CMTR1: variants seen among roughly 807,000 people sequenced by gnomAD.
CMTR1 encodes cap methyltransferase 1, also known as cap-specific mRNA (nucleoside-2'-O-)-methyltransferase 1.
In CMTR1, 39 loss-of-function variants were observed where a neutral mutation model predicts 107.0. That is an observed-to-expected ratio of 0.36 (90% confidence interval 0.28 to 0.48). The LOEUF (loss-of-function observed/expected upper bound fraction) is 0.48, where lower values mean the gene tolerates loss of function less well. Ranked by LOEUF, CMTR1 falls within the 20% of genes least tolerant of loss-of-function variation. CMTR1 has a pLI of 0.99. For missense variants in CMTR1, 672 were observed against 1,064.9 expected (o/e 0.63, Z 5.14); for synonymous variants, 366 against 379.5 (o/e 0.96, Z 0.41).
At chr6:37,474,213 C>A (rs190930359) in intron 17 of CMTR1, among the ~76,000 whole-genome samples, 1 of 152,304 alleles carries the variant, frequency 6.6e-6, no homozygotes, top group East Asian at 1.9e-4. Context: ...CTTCACTAAA[C>A]CCACCTTAGA....
intron 4 of CMTR1, among the ~76,000 whole-genome samples, chr6:37,448,316 C>T (rs576152503): frequency 3.3e-5 from 5 of 151,872 alleles, no homozygotes; most frequent in South Asian, 2.1e-4. Flanking sequence ...GGGGTTACCA[C>T]GGATAAATGC....
In CMTR1 at chr6:37,480,540, AGCCAT is replaced by A. The variant is rs1337454424; in HGVS notation, c.*399_*403del. On this transcript the variant is annotated 3_prime_UTR_variant, in exon 24 of 24. Coordinates refer to ENST00000373451, the MANE Select transcript of CMTR1 (RefSeq NM_015050.3). ...GAGTTCCATGCACTGCCCTGAGGGT[AGCCAT>A]GCCCTTGCTTTGCCCAACTTTTTAT... The A allele has an allele frequency of 9.5e-7, 1 of 1,055,962 alleles. No individual in the cohort carries two copies. Among genetic ancestry groups the A allele is most frequent in the Non-Finnish European group, 1.1e-6 (1 of 876,084 alleles). 65.4% of individuals were successfully genotyped at this position (1,055,962 alleles called of 1,614,324 possible). A position where few individuals can be genotyped will look rare whatever the true frequency, so the allele number is the denominator to read the frequency against.
At chr6:37,427,856 T>C in the CMTR1 span, among the ~76,000 whole-genome samples, 2 of 152,210 alleles carry the variant, frequency 1.3e-5, no homozygotes, top group East Asian at 3.8e-4. This position sits in a 1 kb window ranked among gnomAD's most constrained non-coding sequence, Gnocchi z 4.4. Context: ...GGATATAGAA[T>C]TCCACGTTGA....
At chr6:37,447,152 G>GA (rs1394360409) in intron 4 of CMTR1, among the ~76,000 whole-genome samples, 1 of 152,176 alleles carries the variant, frequency 6.6e-6, no homozygotes, top group African/African-American at 2.4e-5. Context: ...TGAAACTAGA[G>GA]AAAATGGAAC....
intron 3 of CMTR1, among the ~76,000 whole-genome samples, chr6:37,445,229 G>C (rs1581731441): frequency 6.6e-6 from 1 of 152,228 alleles, no homozygotes; most frequent in Middle Eastern, 3.4e-3. Flanking sequence ...GCTACCATAG[G>C]AATTCCATCC....
rs201118514 is a variant in CMTR1 at position 37,475,387 on chromosome 6, G to A, written c.2011G>A (p.Val671Ile). Residue 671 changes from valine to isoleucine, a missense_variant, in exon 19 of 24, where the codon GTT becomes ATT. This residue lies in a region of CMTR1 where 583 missense variants were observed against 968.4 expected (regional missense o/e 0.60). Transcript: ENST00000373451. ...LDVLVLNGTD[V>I]REQHFNQRIQ... ...TGTCCTTGTGCTGAATGGCACCGACGTTCGGGAGCAGCACTTTAACCAGCG... is the reference window on the plus strand; with the variant it reads ...TGTCCTTGTGCTGAATGGCACCGACATTCGGGAGCAGCACTTTAACCAGCG... The A allele has an allele frequency of 2.3e-4, 362 of 1,598,952 alleles. No homozygotes were observed. Among genetic ancestry groups the A allele is most frequent in the Non-Finnish European group, 2.8e-4 (327 of 1,171,026 alleles).
At chr6:37,470,963 T>C in intron 13 of CMTR1, 58 bp from the exon 14 acceptor site, 3 of 1,452,306 alleles carry the variant, frequency 2.1e-6, no homozygotes, top group South Asian at 1.2e-5. Flanking sequence ...TCTGTCCTGA[T>C]GTCAGTTACC....
intron 19 of CMTR1, 168 bp from the exon 20 acceptor site, chr6:37,475,958 G>A (rs1393142832): frequency 3.1e-6 from 2 of 636,514 alleles, no homozygotes; most frequent in African/African-American, 3.6e-5. Context: ...AGACGTCGGT[G>A]GAGAAGGGCA....
intron 10 of CMTR1, among the ~76,000 whole-genome samples, chr6:37,460,379 G>A (rs1447719615): frequency 3.3e-5 from 5 of 152,198 alleles, no homozygotes; most frequent in Admixed American, 6.5e-5. Flanking sequence ...ACAGGCTTGG[G>A]GCTGGCTGTG....
At chr6:37,424,367 C>G in the CMTR1 span, among the ~76,000 whole-genome samples, 3 of 151,640 alleles carry the variant, frequency 2.0e-5, no homozygotes, top group Admixed American at 2.0e-4. Context: ...CTCAGCCTCC[C>G]GAGTAGGTGG....
chr6:37,479,281 C>T (rs1166285705), intron 23 of CMTR1, 26 bp downstream of exon 23: 1 of 1,502,262 alleles, frequency 6.7e-7, no homozygotes, highest in South Asian at 1.1e-5. Flanking sequence ...CCAAGCCTGC[C>T]CTCCTTAGCA....
upstream of CMTR1, among the ~76,000 whole-genome samples, chr6:37,429,565 T>C (rs1771336734): frequency 1.3e-5 from 2 of 152,198 alleles, no homozygotes; most frequent in Admixed American, 1.3e-4. Flanking sequence ...CATACAAAAA[T>C]AATCTGATTG....
intron 19 of CMTR1, chr6:37,475,697 G>A (rs1761722528): frequency 7.5e-6 from 4 of 536,110 alleles, no homozygotes; most frequent in South Asian, 4.2e-5. Context: ...GAGCAAGAGG[G>A]TGACCTTGCG....
intron 17 of CMTR1, among the ~76,000 whole-genome samples, 167 bp downstream of exon 17, chr6:37,473,768 G>C (rs898560640): frequency 4.6e-5 from 7 of 152,206 alleles, no homozygotes; most frequent in Non-Finnish European, 8.8e-5. Context: ...TTCTTCCTCT[G>C]AGTTTGCCAA....
At chr6:37,461,273 A>T (rs577549541) in intron 10 of CMTR1, among the ~76,000 whole-genome samples, 1 of 152,182 alleles carries the variant, frequency 6.6e-6, no homozygotes, top group South Asian at 2.1e-4. Context: ...ACACATTCTA[A>T]ACCATCTCCT....
rs773320893 is a variant in CMTR1 at position 37,478,625 on chromosome 6, A to T, written c.2266+104A>T. 113 of 876,466 alleles carry T rather than the reference A, an allele frequency of 1.3e-4. 1 individual carries two copies. In the Middle Eastern group the frequency reaches 1.3e-3, roughly 10 times the overall value. 54.3% of individuals were successfully genotyped at this position (876,466 alleles called of 1,614,324 possible). Reference sequence around the variant, plus strand: ...GAGCCAGAGCGAAGGGCTCCCAGCTAAGGTGGGTAGCAGCCAGGCTGGCAT... The same window carrying T: ...GAGCCAGAGCGAAGGGCTCCCAGCTTAGGTGGGTAGCAGCCAGGCTGGCAT... On this transcript the variant is annotated intron_variant, in intron 22 of 23. Coordinates refer to ENST00000373451, the MANE Select transcript of CMTR1 (RefSeq NM_015050.3).
chr6:37,450,477 CTG>C (rs1381843752), intron 5 of CMTR1, 134 bp downstream of exon 5: 11 of 700,880 alleles, frequency 1.6e-5, no homozygotes, highest in African/African-American at 7.0e-5. Flanking sequence ...AGGAATAAAA[CTG>C]TGTCAAGAGG....
intron 10 of CMTR1, among the ~76,000 whole-genome samples, chr6:37,460,867 G>A (rs1177201055): frequency 2.0e-5 from 3 of 152,092 alleles, no homozygotes; most frequent in African/African-American, 7.2e-5. Flanking sequence ...GATGTCCCCT[G>A]GCCTCCTTTA....
Position 37,453,258 on chromosome 6 carries a change from T to C in CMTR1, c.723T>C (p.Ala241=), listed in dbSNP as rs200641889. The part of the protein sequence containing the change: ...FFLNRAAMKM[A]NMDFVFDRMF... ...ATTGCAGGGCAGCAATGAAGATGGCTAACATGGATTTTGTATTTGATCGCA... is the reference window on the plus strand; with the variant it reads ...ATTGCAGGGCAGCAATGAAGATGGCCAACATGGATTTTGTATTTGATCGCA... The change falls in exon 8 of 24, where the codon GCT becomes GCC. Residue 241 remains alanine (A), a synonymous_variant. Transcript: ENST00000373451. The C allele has an allele frequency of 1.2e-6, 2 of 1,614,238 alleles. No homozygotes were observed. Among genetic ancestry groups the C allele is most frequent in the East Asian group, 2.2e-5 (1 of 44,890 alleles).
Sources: gnomAD v4.1 joint callset for allele counts (sites outside exome capture counted in the v4.1 genomes callset) on GRCh38, gnomAD v4.1.1 for gene constraint, gnomAD v4.1.1 regional missense constraint, Gnocchi (gnomAD v3.1) non-coding constraint, MANE v1.5 for transcripts, NCBI Gene and HGNC (gene_info 2026-07-23, HGNC 2026-07-21) for gene names.